Variants in HIF3A observed in about 807,000 individuals in gnomAD.
HIF3A encodes the protein hypoxia-inducible factor 3-alpha.
In HIF3A, 41 loss-of-function variants were observed where a neutral mutation model predicts 67.2. The observed-to-expected ratio is 0.61, with a 90% CI of 0.48 to 0.79. The LOEUF (loss-of-function observed/expected upper bound fraction) is 0.79, where lower values mean the gene tolerates loss of function less well. Among genes scored for constraint, HIF3A ranks in the 30% least tolerant of loss-of-function variants. The pLI is 0.00. For missense variants in HIF3A, 855 were observed against 898.0 expected (o/e 0.95, Z 0.61); for synonymous variants, 356 against 374.8 (o/e 0.95, Z 0.58).
intron 1 of HIF3A, among the ~76,000 whole-genome samples, chr19:46,302,708 T>A (rs1968450020): frequency 6.6e-6 from 1 of 152,032 alleles, no homozygotes; most frequent in African/African-American, 2.4e-5. Context: ...ACACTGTCTC[T>A]ACAAAAAATA....
chr19:46,302,637 G>T (rs971793040), intron 1 of HIF3A, among the ~76,000 whole-genome samples: 1 of 152,210 alleles, frequency 6.6e-6, no homozygotes, highest in Non-Finnish European at 1.5e-5. Context: ...ATTTGGGGAG[G>T]CCAAGGTGGG....
intron 2 of HIF3A, 190 bp downstream of exon 2, chr19:46,304,278 C>A (rs1029302965): frequency 3.3e-5 from 20 of 598,318 alleles, no homozygotes; most frequent in East Asian, 3.1e-4. Flanking sequence ...CCTTTGAGTT[C>A]CTGGCCTGCT....
intron 1 of HIF3A, among the ~76,000 whole-genome samples, chr19:46,302,193 G>A (rs968474595): frequency 9.9e-5 from 15 of 151,132 alleles, no homozygotes; most frequent in Non-Finnish European, 1.5e-4. Flanking sequence ...ATAGTGGCGC[G>A]ATCTTGGCTC....
Position 46,325,515 on chromosome 19 carries a change from T to A in HIF3A, c.1336-20T>A. On this transcript the variant is annotated intron_variant, in intron 10 of 14. Transcript: ENST00000377670. ...CCCAGGCTCAAGATTTCCTGAAGTT[T>A]CTACTCCATCTCTCCACAGGCTGAT... 2 of 1,572,722 alleles carry A rather than the reference T, an allele frequency of 1.3e-6. No homozygotes were observed. Among genetic ancestry groups the A allele is most frequent in the Non-Finnish European group, 1.7e-6 (2 of 1,145,298 alleles).
intron 3 of HIF3A, 48 bp downstream of exon 3, chr19:46,305,438 G>A (rs748377585): frequency 2.0e-5 from 32 of 1,580,450 alleles, no homozygotes; most frequent in Middle Eastern, 1.7e-4. Context: ...TGGTGATGCT[G>A]GGGATACAGT....
intron 1 of HIF3A, chr19:46,298,215 T>TCCTCTCCC: frequency 7.3e-6 from 2 of 273,770 alleles, no homozygotes; most frequent in Non-Finnish European, 1.4e-5. Context: ...ACCGCCCCCA[T>TCCTCTCCC]CCTCTCCCCT....
At chr19:46,306,161 G>C (rs1183787410) in intron 3 of HIF3A, among the ~76,000 whole-genome samples, 1 of 152,208 alleles carries the variant, frequency 6.6e-6, no homozygotes, top group Non-Finnish European at 1.5e-5. Context: ...CAAAAGGCTA[G>C]AGAGGTCATC....
chr19:46,312,736 TGC>T lies in HIF3A; in HGVS notation c.1025+85_1025+86del, dbSNP rs1555780977. Reference sequence around the variant, plus strand: ...AGGTGTGTGTGTGTGTGTGTGTGTGTGCGTATGAGCATGCATGTGTATCATGC... The same window carrying T: ...AGGTGTGTGTGTGTGTGTGTGTGTGTGTATGAGCATGCATGTGTATCATGC... On this transcript the variant is annotated intron_variant, in intron 8 of 14. Coordinates refer to ENST00000377670, the MANE Select transcript of HIF3A (RefSeq NM_152795.4). The T allele has an allele frequency of 2.3e-3, 3,423 of 1,500,930 alleles. 21 individuals are homozygous for T. In the African/African-American group the frequency reaches 0.026, roughly 12 times the overall value. The allele number at this position is 1,500,930 out of a possible 1,614,324, so 93.0% of individuals were successfully genotyped here.
In HIF3A at chr19:46,335,247, CATTT is replaced by C. The variant is rs374748726; in HGVS notation, c.1912+294_1912+297del. Among the ~76,000 whole-genome samples, 576 of 146,276 alleles carry C rather than the reference CATTT, an allele frequency of 3.9e-3. 4 individuals carry two copies. Among genetic ancestry groups the C allele is most frequent in the African/African-American group, 0.014 (527 of 38,392 alleles). On this transcript the variant is annotated intron_variant, in intron 14 of 14. Coordinates refer to ENST00000377670, the MANE Select transcript of HIF3A (RefSeq NM_152795.4). The stretch of plus-strand genomic sequence containing the variant: ...TCTGGAGCCTGCACGCCTATGATCA[CATTT>C]ATTTATTTATTTATTTATTTATTTA...
At chr19:46,315,998 A>G (rs917491778) in intron 8 of HIF3A, among the ~76,000 whole-genome samples, 7 of 152,160 alleles carry the variant, frequency 4.6e-5, no homozygotes, top group Non-Finnish European at 8.8e-5. Flanking sequence ...TGGGAGTCCA[A>G]GGTGGGTGGA....
chr19:46,305,044 GC>G (rs1382865548), intron 2 of HIF3A, 200 bp from the exon 3 acceptor site: 1 of 729,784 alleles, frequency 1.4e-6, no homozygotes, highest in Non-Finnish European at 2.4e-6. Context: ...ACCCTGGGAG[GC>G]CCTGCTTCTA....
intron 8 of HIF3A, among the ~76,000 whole-genome samples, chr19:46,317,769 G>A (rs953640948): frequency 1.3e-5 from 2 of 151,960 alleles, no homozygotes; most frequent in African/African-American, 4.8e-5. Flanking sequence ...GGCCTTCTTC[G>A]ATCGTCCTTT....
chr19:46,310,203 C>T (rs147781371), intron 6 of HIF3A, among the ~76,000 whole-genome samples: 3,123 of 152,010 alleles, frequency 0.021, 58 homozygotes, highest in Non-Finnish European at 0.026. Flanking sequence ...CCAGCCTAGG[C>T]AACAGAACAA....
At chr19:46,325,875 G>A (rs956655523) in intron 11 of HIF3A, among the ~76,000 whole-genome samples, 2 of 152,276 alleles carry the variant, frequency 1.3e-5, no homozygotes, top group African/African-American at 4.8e-5. Context: ...TTGATAGCTG[G>A]ATGAAAAATG....
intron 3 of HIF3A, among the ~76,000 whole-genome samples, chr19:46,306,879 T>C (rs966564752): frequency 1.3e-5 from 2 of 152,222 alleles, no homozygotes; most frequent in African/African-American, 2.4e-5. Flanking sequence ...ACCAGCACCA[T>C]TCACATGGTG....
intron 1 of HIF3A, chr19:46,298,150 C>T: frequency 3.8e-6 from 1 of 263,158 alleles, no homozygotes; most frequent in South Asian, 3.1e-5. Context: ...TCACCCCCTT[C>T]CCTCCTCCCT....
chr19:46,318,819 C>A (rs1970138135), intron 8 of HIF3A, among the ~76,000 whole-genome samples: 1 of 151,960 alleles, frequency 6.6e-6, no homozygotes, highest in Non-Finnish European at 1.5e-5. Flanking sequence ...TGGGGTTTCA[C>A]CATGTGGGCC....
chr19:46,334,798 C>A, intron 13 of HIF3A, 107 bp from the exon 14 acceptor site: 1 of 846,908 alleles, frequency 1.2e-6, no homozygotes, highest in Non-Finnish European at 1.9e-6. Context: ...CCTCCCAATC[C>A]TCTGGCCTCA....
intron 10 of HIF3A, 65 bp from the exon 11 acceptor site, chr19:46,325,470 C>G: frequency 8.8e-7 from 1 of 1,131,970 alleles, no homozygotes; most frequent in Non-Finnish European, 1.3e-6. Context: ...GAGCTGCAGA[C>G]TGTCTTAATG....
Sources: allele counts gnomAD v4.1 joint callset (sites outside exome capture counted in the v4.1 genomes callset), GRCh38; gene constraint gnomAD v4.1.1; transcripts MANE v1.5; gene names NCBI Gene and HGNC (gene_info 2026-07-23, HGNC 2026-07-21).